DHRS13: variants seen among roughly 807,000 people sequenced by gnomAD.
DHRS13 encodes the protein dehydrogenase/reductase 13, also known as dehydrogenase/reductase SDR family member 13.
A neutral mutation model predicts 17.9 loss-of-function variants in DHRS13; 22 were observed. The observed-to-expected ratio is 1.23, with a 90% CI of 0.88 to 1.75. DHRS13 has a LOEUF of 1.75. DHRS13 is among the 40% of genes most tolerant of loss of function. DHRS13 has a pLI of 0.00. For synonymous variants in DHRS13, 206 were observed against 220.4 expected (o/e 0.93, Z 0.58); for missense variants, 483 against 519.9 (o/e 0.93, Z 0.69).
At position 28,902,738 on chromosome 17, in the gene DHRS13, C is replaced by T. The variant is rs1188635590; in HGVS notation, c.128-37G>A. On this transcript the variant is annotated intron_variant, in intron 1 of 4. Coordinates refer to ENST00000378895, the MANE Select transcript of DHRS13 (RefSeq NM_144683.4). This position sits in a 1 kb window ranked among gnomAD's most constrained non-coding sequence, Gnocchi z 4.0. ...GGGCGGGAGCCGAGCTGAGCTGAGC[C>T]CGGCGGGCCGCTGCTACCGCCGGCC... The T allele has an allele frequency of 1.5e-6, 2 of 1,372,958 alleles. No homozygotes were observed. Among genetic ancestry groups the T allele is most frequent in the African/African-American group, 3.1e-5 (2 of 65,238 alleles). The allele number at this position is 1,372,958 out of a possible 1,614,324, so 85.0% of individuals were successfully genotyped here.
rs1486423854 is a variant in DHRS13 at position 28,901,244 on chromosome 17, T to C, written c.428A>G (p.His143Arg). 9 of 1,613,942 alleles carry C rather than the reference T, an allele frequency of 5.6e-6. No homozygotes were observed. Among genetic ancestry groups the C allele is most frequent in the South Asian group, 1.1e-5 (1 of 91,088 alleles). ...ATGTGTCAGCAGAAAGGGACCGATA[T>C]GGTTCACCCGAAGCAGCAGGTTAAA... ...EAFNLLLRVN[H>R]IGPFLLTHLL... The change falls in exon 4 of 5, where the codon CAT (histidine) becomes CGT (arginine). Residue 143 changes from histidine (H) to arginine (R), a missense_variant. Transcript: ENST00000378895. This position sits in a 1 kb window ranked among gnomAD's most constrained non-coding sequence, Gnocchi z 4.3.
chr17:28,902,410 C>G lies in DHRS13; in HGVS notation c.246+173G>C, dbSNP rs1247904624. 1.3e-5 allele frequency among the ~76,000 whole-genome samples: 2 copies of G among 152,230 alleles called. No individual in the cohort carries two copies. The highest frequency in any genetic ancestry group is 1.5e-5 in the Non-Finnish European group (1 of 68,032). ...CAGGAAGCCCCTCCCCCACTCGGCT[C>G]TGGTGCGCCTTCCTCGGGTGACCCC... On this transcript the variant is annotated intron_variant, in intron 2 of 4. Transcript: ENST00000378895. The surrounding 1 kb of genome is among the most constrained non-coding windows in gnomAD (Gnocchi z 4.0).
chr17:28,898,358 G>A lies in DHRS13; in HGVS notation c.*83C>T. 5 of 1,461,264 alleles carry A rather than the reference G, an allele frequency of 3.4e-6. No individual in the cohort carries two copies. Among genetic ancestry groups the A allele is most frequent in the Non-Finnish European group, 4.6e-6 (5 of 1,090,500 alleles). 90.5% of individuals were successfully genotyped at this position (1,461,264 alleles called of 1,614,324 possible). On this transcript the variant is annotated 3_prime_UTR_variant, in exon 5 of 5. Transcript: ENST00000378895. ...CCACGGAGGTCAAGATCACAAACCCGTCAGTGTCCAGGGCATGGCCTCGCA... is the reference window on the plus strand; with the variant it reads ...CCACGGAGGTCAAGATCACAAACCCATCAGTGTCCAGGGCATGGCCTCGCA...
Position 28,902,514 on chromosome 17 carries a change from C to T in DHRS13, c.246+69G>A. On this transcript the variant is annotated intron_variant, in intron 2 of 4. Coordinates refer to ENST00000378895, the MANE Select transcript of DHRS13 (RefSeq NM_144683.4). The surrounding 1 kb of genome is among the most constrained non-coding windows in gnomAD (Gnocchi z 4.0). Reference sequence around the variant, plus strand: ...CCTGGACCCGGATCCTCCGCAGCCCCTTTGCTGGCTTCTCTGTGTCCCGGC... The same window carrying T: ...CCTGGACCCGGATCCTCCGCAGCCCTTTTGCTGGCTTCTCTGTGTCCCGGC... 1 of 1,381,010 alleles carries T rather than the reference C, an allele frequency of 7.2e-7. No homozygotes were observed. The highest frequency in any genetic ancestry group is 1.5e-5 in the African/African-American group (1 of 65,644). 85.5% of individuals were successfully genotyped at this position (1,381,010 alleles called of 1,614,324 possible).
Position 28,899,058 on chromosome 17 carries a change from A to C in DHRS13, c.683-166T>G. The C allele has an allele frequency of 1.7e-6, 1 of 604,918 alleles. No individual in the cohort carries two copies. The highest frequency in any genetic ancestry group is 3.1e-5 in the East Asian group (1 of 32,544). 37.5% of individuals were successfully genotyped at this position (604,918 alleles called of 1,614,324 possible). On this transcript the variant is annotated intron_variant, in intron 4 of 4. Transcript: ENST00000378895. This position sits in a 1 kb window ranked among gnomAD's most constrained non-coding sequence, Gnocchi z 4.7. ...CTCTTTAAAAAAAAAAACAACAACAAAAAAAATAGAACAGAGCTAGAAGAA... is the reference window on the plus strand; with the variant it reads ...CTCTTTAAAAAAAAAAACAACAACACAAAAAATAGAACAGAGCTAGAAGAA...
chr17:28,903,012 A>G lies in DHRS13; in HGVS notation c.-68T>C. On this transcript the variant is annotated 5_prime_UTR_variant, in exon 1 of 5. Coordinates refer to ENST00000378895, the MANE Select transcript of DHRS13 (RefSeq NM_144683.4). The surrounding 1 kb of genome is among the most constrained non-coding windows in gnomAD (Gnocchi z 4.8). ...CTGGATCGCCGCCAGGCGGCTGCCG[A>G]TCCGCCCTGCACAGGCCTGGAACGG... The G allele has an allele frequency of 7.5e-7, 1 of 1,332,108 alleles. No individual in the cohort carries two copies. The highest frequency in any genetic ancestry group is 1.6e-5 in the African/African-American group (1 of 64,436). 82.5% of individuals were successfully genotyped at this position (1,332,108 alleles called of 1,614,324 possible). A position where few individuals can be genotyped will look rare whatever the true frequency, so the allele number is the denominator to read the frequency against.
In DHRS13 at chr17:28,901,493, C is replaced by T. The variant is rs200355771; in HGVS notation, c.370G>A (p.Gly124Ser). Residue 124 changes from glycine (G) to serine (S), a missense_variant and splice_region_variant, in exon 3 of 5, where the codon GGT (glycine) becomes AGT (serine). Physicochemically the swap from Gly to Ser is moderately conservative, Grantham distance 56 (BLOSUM62 0). Transcript: ENST00000378895. The surrounding 1 kb of genome is among the most constrained non-coding windows in gnomAD (Gnocchi z 4.3). Reference sequence around the variant, plus strand: ...CCACGCAGGGCCTGCTGCCCCTCACCGGCATTGTGGATGAGGATGTCCAAC... The same window carrying T: ...CCACGCAGGGCCTGCTGCCCCTCACTGGCATTGTGGATGAGGATGTCCAAC... Reference protein sequence around the residue: ...PRLDILIHNAGISSCGRTREA... With the variant: ...PRLDILIHNASISSCGRTREA... 20 of 1,613,928 alleles carry T rather than the reference C, an allele frequency of 1.2e-5. No homozygotes were observed. The highest frequency in any genetic ancestry group is 6.7e-5 in the East Asian group (3 of 44,884).
rs1339442671 is a variant in DHRS13, at chr17:28,901,615, T to C, written c.248A>G (p.Glu83Gly). The change falls in exon 3 of 5, where the codon GAG becomes GGG. Residue 83 changes from glutamate to glycine, a missense_variant and splice_region_variant. Physicochemically the swap from Glu to Gly is moderately conservative, Grantham distance 98 (BLOSUM62 -2). Coordinates refer to ENST00000378895, the MANE Select transcript of DHRS13 (RefSeq NM_144683.4). This position sits in a 1 kb window ranked among gnomAD's most constrained non-coding sequence, Gnocchi z 4.3. ...GEAAAFDLRQ[E>G]SGNNEVIFMA... Reference sequence around the variant, plus strand: ...GAAGATGACCTCATTGTTCCCACTCTCCTGTGGAGAGGCAAGGGCTGGGCT... The same window carrying C: ...GAAGATGACCTCATTGTTCCCACTCCCCTGTGGAGAGGCAAGGGCTGGGCT... 1.2e-6 allele frequency: 2 copies of C among 1,614,054 alleles called. No homozygotes were observed. Among genetic ancestry groups the C allele is most frequent in the Admixed American group, 3.3e-5 (2 of 60,002 alleles).
In DHRS13 at chr17:28,902,536, C is replaced by T. The variant is rs1259924039; in HGVS notation, c.246+47G>A. On this transcript the variant is annotated intron_variant, in intron 2 of 4. Coordinates refer to ENST00000378895, the MANE Select transcript of DHRS13 (RefSeq NM_144683.4). This position sits in a 1 kb window ranked among gnomAD's most constrained non-coding sequence, Gnocchi z 4.0. Reference sequence around the variant, plus strand: ...CCCCTTTGCTGGCTTCTCTGTGTCCCGGCGGGTTCTCGGCTCACCGTCCCA... The same window carrying T: ...CCCCTTTGCTGGCTTCTCTGTGTCCTGGCGGGTTCTCGGCTCACCGTCCCA... 6 of 1,436,132 alleles carry T rather than the reference C, an allele frequency of 4.2e-6. No individual in the cohort carries two copies. The highest frequency in any genetic ancestry group is 5.5e-5 in the Admixed American group (2 of 36,398). The allele number at this position is 1,436,132 out of a possible 1,614,324, so 89.0% of individuals were successfully genotyped here. A position where few individuals can be genotyped will look rare whatever the true frequency, so the allele number is the denominator to read the frequency against.
In DHRS13 at chr17:28,898,831, G is replaced by A. The variant is rs1450696349; in HGVS notation, c.744C>T (p.Arg248=). 1.2e-6 allele frequency: 2 copies of A among 1,608,786 alleles called. No homozygotes were observed. Among genetic ancestry groups the A allele is most frequent in the Non-Finnish European group, 1.7e-6 (2 of 1,177,448 alleles). Residue 248 remains arginine, a synonymous_variant, in exon 5 of 5, where the codon CGC becomes CGT. Coordinates refer to ENST00000378895, the MANE Select transcript of DHRS13 (RefSeq NM_144683.4). ...CCCGGAGCACCAGCCAAGCCAATGGGCGCAAAAGTGGGCGCAGCCATCCAG... is the reference window on the plus strand; with the variant it reads ...CCCGGAGCACCAGCCAAGCCAATGGACGCAAAAGTGGGCGCAGCCATCCAG... ...HVPGWLRPLL[R]PLAWLVLRAP...
chr17:28,901,271 G>A lies in DHRS13; in HGVS notation c.401C>T (p.Ala134Val), dbSNP rs201301706. 9.9e-6 allele frequency: 16 copies of A among 1,612,618 alleles called. No homozygotes were observed. The highest frequency in any genetic ancestry group is 1.4e-5 in the Non-Finnish European group (16 of 1,178,936). The change falls in exon 4 of 5, where the codon GCG becomes GTG. Residue 134 changes from alanine to valine, a missense_variant. Ala to Val is a moderately conservative substitution (Grantham distance 64). Coordinates refer to ENST00000378895, the MANE Select transcript of DHRS13 (RefSeq NM_144683.4). The surrounding 1 kb of genome is among the most constrained non-coding windows in gnomAD (Gnocchi z 4.3). ...GTTCACCCGAAGCAGCAGGTTAAAC[G>A]CCTCACGGGTCCGGCCACAGGAACT... ...GISSCGRTREAFNLLLRVNHI... is the reference protein window; with the variant it reads ...GISSCGRTREVFNLLLRVNHI...
chr17:28,901,050 C>T lies in DHRS13; in HGVS notation c.622G>A (p.Ala208Thr), dbSNP rs752911829. 6.2e-7 allele frequency: 1 copy of T among 1,613,276 alleles called. No individual in the cohort carries two copies. Among genetic ancestry groups the T allele is most frequent in the Non-Finnish European group, 8.5e-7 (1 of 1,179,312 alleles). The change falls in exon 4 of 5, where the codon GCC becomes ACC. Residue 208 changes from alanine to threonine, a missense_variant. Transcript: ENST00000378895. The surrounding 1 kb of genome is among the most constrained non-coding windows in gnomAD (Gnocchi z 4.3). Reference protein sequence around the residue: ...ADTKLANVLFARELANQLEAT... With the variant: ...ADTKLANVLFTRELANQLEAT... ...TCAAGCTGGTTGGCGAGCTCCCGGG[C>T]AAACAGTACATTAGCCAGCTTAGTG...
Position 28,901,678 on chromosome 17 carries a change from G to A in DHRS13, c.247-62C>T. On this transcript the variant is annotated intron_variant, in intron 2 of 4. Transcript: ENST00000378895. The surrounding 1 kb of genome is among the most constrained non-coding windows in gnomAD (Gnocchi z 4.3). The stretch of plus-strand genomic sequence containing the variant: ...TCTCTCTCCTCTTCCCTCTCCCCAG[G>A]CACCAAATTCTGAGAGTCCATCTCC... 1.3e-6 allele frequency: 2 copies of A among 1,599,268 alleles called. No homozygotes were observed. Among genetic ancestry groups the A allele is most frequent in the Non-Finnish European group, 8.5e-7 (1 of 1,170,390 alleles).
Position 28,899,459 on chromosome 17 carries a change from G to A in DHRS13, c.683-567C>T, listed in dbSNP as rs1329402896. On this transcript the variant is annotated intron_variant, in intron 4 of 4. Coordinates refer to ENST00000378895, the MANE Select transcript of DHRS13 (RefSeq NM_144683.4). The surrounding 1 kb of genome is among the most constrained non-coding windows in gnomAD (Gnocchi z 4.7). Reference sequence around the variant, plus strand: ...CAGTGACTATCTAAAATGCAGTATGGTAATATGAATATGACAGATCTTGTT... The same window carrying A: ...CAGTGACTATCTAAAATGCAGTATGATAATATGAATATGACAGATCTTGTT... 1 of 152,648 alleles carries A rather than the reference G, an allele frequency of 6.6e-6. No homozygotes were observed. 9.5% of individuals were successfully genotyped at this position (152,648 alleles called of 1,614,324 possible). A position where few individuals can be genotyped will look rare whatever the true frequency, so the allele number is the denominator to read the frequency against.
rs1392010133 is a variant in DHRS13, at chr17:28,898,455, T to C, written c.1120A>G (p.Ile374Val). The C allele has an allele frequency of 2.1e-5, 33 of 1,557,572 alleles. No individual in the cohort carries two copies. The highest frequency in any genetic ancestry group is 2.8e-5 in the Non-Finnish European group (32 of 1,150,188). Residue 374 changes from isoleucine (I) to valine (V), a missense_variant, in exon 5 of 5, where the codon ATC (isoleucine) becomes GTC (valine). Coordinates refer to ENST00000378895, the MANE Select transcript of DHRS13 (RefSeq NM_144683.4). Reference protein sequence around the residue: ...HRIQAKVEPEIQLS With the variant: ...HRIQAKVEPEVQLS ...TGGCCTGAGGGTTAGGAGAGCTGGA[T>C]CTCAGGCTCAACTTTAGCCTGAATT...
Position 28,901,448 on chromosome 17 carries a change from G to C in DHRS13, c.370+45C>G. The C allele has an allele frequency of 6.2e-7, 1 of 1,611,328 alleles. No individual in the cohort carries two copies. Among genetic ancestry groups the C allele is most frequent in the South Asian group, 1.1e-5 (1 of 90,924 alleles). Reference sequence around the variant, plus strand: ...CCCGCTGGAGGGGGCAGTTGCCCCTGGCCACCCGCCACCCCACCCCCACGC... The same window carrying C: ...CCCGCTGGAGGGGGCAGTTGCCCCTCGCCACCCGCCACCCCACCCCCACGC... On this transcript the variant is annotated intron_variant, in intron 3 of 4. Coordinates refer to ENST00000378895, the MANE Select transcript of DHRS13 (RefSeq NM_144683.4). This position sits in a 1 kb window ranked among gnomAD's most constrained non-coding sequence, Gnocchi z 4.3.
At position 28,901,082 on chromosome 17, in the gene DHRS13, T is replaced by C. The variant is rs2039800949; in HGVS notation, c.590A>G (p.Tyr197Cys). 1 of 1,614,184 alleles carries C rather than the reference T, an allele frequency of 6.2e-7. No individual in the cohort carries two copies. The highest frequency in any genetic ancestry group is 8.5e-7 in the Non-Finnish European group (1 of 1,180,020). The change falls in exon 4 of 5, where the codon TAT (tyrosine) becomes TGT (cysteine). Residue 197 changes from tyrosine (Y) to cysteine (C), a missense_variant. Tyr to Cys is a radical substitution (Grantham distance 194). Coordinates refer to ENST00000378895, the MANE Select transcript of DHRS13 (RefSeq NM_144683.4). This position sits in a 1 kb window ranked among gnomAD's most constrained non-coding sequence, Gnocchi z 4.3. Reference protein sequence around the residue: ...VVGWRQELRAYADTKLANVLF... With the variant: ...VVGWRQELRACADTKLANVLF... ...TACATTAGCCAGCTTAGTGTCAGCA[T>C]ATGCCCGCAGCTCCTGCCGCCAGCC... is the stretch of plus-strand genomic sequence containing the variant.
Position 28,901,783 on chromosome 17 carries a change from A to C in DHRS13, c.247-167T>G. ...GATTCAAATCCTGACTTTGCCTTTTACTAAAGTGTGACCTTGGGCAAGATA... is the reference window on the plus strand; with the variant it reads ...GATTCAAATCCTGACTTTGCCTTTTCCTAAAGTGTGACCTTGGGCAAGATA... On this transcript the variant is annotated intron_variant, in intron 2 of 4. Coordinates refer to ENST00000378895, the MANE Select transcript of DHRS13 (RefSeq NM_144683.4). This position sits in a 1 kb window ranked among gnomAD's most constrained non-coding sequence, Gnocchi z 4.3. 1 of 1,203,652 alleles carries C rather than the reference A, an allele frequency of 8.3e-7. No individual in the cohort carries two copies. Among genetic ancestry groups the C allele is most frequent in the Non-Finnish European group, 1.1e-6 (1 of 890,052 alleles). The allele number at this position is 1,203,652 out of a possible 1,614,324, so 74.6% of individuals were successfully genotyped here.
Position 28,903,070 on chromosome 17 carries a change from C to G in DHRS13, c.-126G>C. Reference sequence around the variant, plus strand: ...GCGCGTCAGCCTCCGAAGGCGGAGGCGGGCAGGAGGCTGGGCAGGGGCGTG... The same window carrying G: ...GCGCGTCAGCCTCCGAAGGCGGAGGGGGGCAGGAGGCTGGGCAGGGGCGTG... On this transcript the variant is annotated 5_prime_UTR_variant, in exon 1 of 5. Transcript: ENST00000378895. The surrounding 1 kb of genome is among the most constrained non-coding windows in gnomAD (Gnocchi z 4.8). 3.4e-6 allele frequency: 3 copies of G among 875,662 alleles called. No homozygotes were observed. The highest frequency in any genetic ancestry group is 4.5e-6 in the Non-Finnish European group (3 of 671,228). 54.2% of individuals were successfully genotyped at this position (875,662 alleles called of 1,614,324 possible).
Sources: gnomAD v4.1 joint callset for allele counts (sites outside exome capture counted in the v4.1 genomes callset) on GRCh38, gnomAD v4.1.1 for gene constraint, Gnocchi (gnomAD v3.1) non-coding constraint, MANE v1.5 for transcripts, NCBI Gene and HGNC (gene_info 2026-07-23, HGNC 2026-07-21) for gene names.